The following NFIA variants were observed in gnomAD, a reference collection of about 807,000 sequenced individuals.
The protein encoded by NFIA is nuclear factor I A.
In NFIA, 8 loss-of-function variants were observed where a neutral mutation model predicts 62.8. The ratio of observed to expected loss-of-function variants is 0.13; its 90% CI spans 0.07 to 0.23. The LOEUF is 0.23. Among genes scored for constraint, NFIA ranks in the 10% least tolerant of loss-of-function variants. The probability of loss-of-function intolerance (pLI) is 1.00; values close to 1 mark genes in which losing one functional copy is unlikely to be tolerated. For synonymous variants in NFIA, 235 were observed against 238.1 expected (o/e 0.99, Z 0.12); for missense variants, 410 against 642.1 (o/e 0.64, Z 3.91).
intron 4 of NFIA, among the ~76,000 whole-genome samples, chr1:61,344,740 A>G (rs999279669): frequency 6.6e-6 from 1 of 152,252 alleles, no homozygotes; most frequent in African/African-American, 2.4e-5. Context: ...CATAGGCTGG[A>G]CAAACTAGTC....
chr1:61,180,737 T>C lies in NFIA; in HGVS notation c.559+92057T>C, dbSNP rs186891063. On this transcript the variant is annotated intron_variant, in intron 2 of 10. Transcript: ENST00000403491. ...AAGATTCAGCTTCTATCTAGGTGGA[T>C]GGTAAGACCCGCTAACATCTTGGCA... 3.1e-3 allele frequency among the ~76,000 whole-genome samples: 478 copies of C among 152,312 alleles called. 2 individuals carry two copies. Among genetic ancestry groups the C allele is most frequent in the African/African-American group, 0.011 (457 of 41,574 alleles).
At chr1:61,299,459 A>G (rs1183138971) in intron 3 of NFIA, among the ~76,000 whole-genome samples, 4 of 152,200 alleles carry the variant, frequency 2.6e-5, no homozygotes, top group African/African-American at 9.6e-5. Flanking sequence ...GTAGAAGAAA[A>G]GCTTTCACTT....
intron 2 of NFIA, among the ~76,000 whole-genome samples, chr1:61,260,802 G>A (rs562547410): frequency 1.3e-5 from 2 of 152,176 alleles, no homozygotes; most frequent in Non-Finnish European, 2.9e-5. Flanking sequence ...GGATGGTCTC[G>A]ATCTCCTGAC....
chr1:61,406,752 C>T (rs781299709), intron 9 of NFIA, 25 bp downstream of exon 9: 42 of 1,578,492 alleles, frequency 2.7e-5, no homozygotes, highest in South Asian at 7.1e-5. Context: ...GACAAGGCGC[C>T]GGTCACTTCT....
At chr1:61,106,208 A>G (rs1467722072) in intron 2 of NFIA, among the ~76,000 whole-genome samples, 1 of 151,760 alleles carries the variant, frequency 6.6e-6, no homozygotes, top group Non-Finnish European at 1.5e-5. Flanking sequence ...CAGCATATAT[A>G]TTACAGCACA....
At chr1:61,197,579 C>G (rs908073935) in intron 2 of NFIA, among the ~76,000 whole-genome samples, 1 of 151,586 alleles carries the variant, frequency 6.6e-6, no homozygotes, top group Admixed American at 6.6e-5. Context: ...ACCTCAAAAA[C>G]ACTCTGTAGA....
intron 2 of NFIA, among the ~76,000 whole-genome samples, chr1:61,197,372 G>A (rs370545354): frequency 7.4e-4 from 111 of 150,588 alleles, no homozygotes; most frequent in African/African-American, 2.6e-3. Flanking sequence ...CTGAGTAGCT[G>A]GGATTACAGG....
intron 9 of NFIA, 132 bp from the exon 10 acceptor site, chr1:61,426,333 C>G (rs1435912434): frequency 1.5e-6 from 1 of 660,352 alleles, no homozygotes; most frequent in East Asian, 2.7e-5. Context: ...AGCCAGACCC[C>G]TTTGCTAGCT....
intron 2 of NFIA, among the ~76,000 whole-genome samples, chr1:61,205,861 A>G (rs984727884): frequency 2.7e-5 from 4 of 149,422 alleles, no homozygotes; most frequent in African/African-American, 9.9e-5. Flanking sequence ...TAGTCAGCAA[A>G]TGCCCTACAC....
intron 5 of NFIA, 71 bp downstream of exon 5, chr1:61,352,638 A>T: frequency 8.2e-7 from 1 of 1,212,898 alleles, no homozygotes; most frequent in Non-Finnish European, 1.2e-6. Context: ...CTCTGGGCCC[A>T]CTATGGATTT....
chr1:61,274,846 A>G (rs926587241), intron 2 of NFIA, among the ~76,000 whole-genome samples: 1 of 152,210 alleles, frequency 6.6e-6, no homozygotes, highest in African/African-American at 2.4e-5. Flanking sequence ...ACCTTTTGCA[A>G]TACCAGAAAG....
At chr1:61,385,302 A>G (rs1206872792) in intron 7 of NFIA, among the ~76,000 whole-genome samples, 10 of 152,206 alleles carry the variant, frequency 6.6e-5, no homozygotes, top group African/African-American at 2.2e-4. Context: ...GCTTAGATAA[A>G]TGGAGGGCCA....
At chr1:61,428,041 T>G (rs1020909193) in intron 10 of NFIA, among the ~76,000 whole-genome samples, 1 of 152,186 alleles carries the variant, frequency 6.6e-6, no homozygotes, top group Admixed American at 6.5e-5. Flanking sequence ...TGGCTCTATA[T>G]TGGATGATTG....
intron 2 of NFIA, among the ~76,000 whole-genome samples, chr1:61,137,488 A>G (rs1647219470): frequency 6.6e-6 from 1 of 152,154 alleles, no homozygotes; most frequent in Admixed American, 6.5e-5. Flanking sequence ...AATTACGGGG[A>G]TATGTAATCT....
chr1:61,288,445 C>G (rs1166415426), intron 3 of NFIA, among the ~76,000 whole-genome samples: 1 of 152,106 alleles, frequency 6.6e-6, no homozygotes, highest in Admixed American at 6.5e-5. Flanking sequence ...AATCCTCCTG[C>G]TTTAAAAAAG....
intron 1 of NFIA, among the ~76,000 whole-genome samples, chr1:61,087,869 G>A (rs1415586291): frequency 2.6e-5 from 4 of 152,140 alleles, no homozygotes; most frequent in African/African-American, 9.7e-5. Context: ...GGGGAGCTAG[G>A]CCCGACAGTA....
intron 2 of NFIA, among the ~76,000 whole-genome samples, chr1:61,106,394 T>C (rs527530465): frequency 6.6e-6 from 1 of 151,940 alleles, no homozygotes; most frequent in African/African-American, 2.4e-5. Context: ...TGGAGTTACC[T>C]CCTCCTCACT....
At chr1:61,244,169 G>T (rs926262714) in intron 2 of NFIA, among the ~76,000 whole-genome samples, 11 of 152,100 alleles carry the variant, frequency 7.2e-5, no homozygotes, top group African/African-American at 2.7e-4. Context: ...CCTTTTTATA[G>T]CTTCTTTAAT....
intron 10 of NFIA, among the ~76,000 whole-genome samples, chr1:61,447,137 T>TA (rs61001383): frequency 0.011 from 1,645 of 151,852 alleles, 23 homozygotes; most frequent in African/African-American, 0.038. Context: ...CAAAAAAATT[T>TA]AAAAAAAAAT....
Sources: allele counts gnomAD v4.1 joint callset (sites outside exome capture counted in the v4.1 genomes callset), GRCh38; gene constraint gnomAD v4.1.1; transcripts MANE v1.5; gene names NCBI Gene and HGNC (gene_info 2026-07-23, HGNC 2026-07-21).